Variants in WWOX observed in about 807,000 individuals in gnomAD.
WWOX encodes the protein WW domain containing oxidoreductase.
A neutral mutation model predicts 46.2 loss-of-function variants in WWOX; 69 were observed. The observed-to-expected ratio is 1.49, with a 90% CI of 1.23 to 1.82. The LOEUF (loss-of-function observed/expected upper bound fraction) is 1.82. Ranked by LOEUF, WWOX falls within the 40% of genes most tolerant of loss-of-function variation. The pLI is 0.00. For missense variants in WWOX, 919 were observed against 542.6 expected, an observed-to-expected ratio of 1.69 and a Z score of -6.89; for synonymous variants, 359 against 202.6, an observed-to-expected ratio of 1.77 and a Z score of -6.56.
chr16:78,420,500 G>T (rs955039042), intron 6 of WWOX, among the ~76,000 whole-genome samples: 1 of 152,026 alleles, frequency 6.6e-6, no homozygotes, highest in African/African-American at 2.4e-5. Context: ...TCATGCCAAG[G>T]GACAGAAGCC....
rs563937054 is a variant in WWOX at position 78,619,428 on chromosome 16, A to G, written c.1056+186676A>G. Among the ~76,000 whole-genome samples the G allele has an allele frequency of 2.0e-5, 3 of 149,058 alleles. No homozygotes were observed. In the South Asian group the frequency reaches 6.5e-4, roughly 32 times the overall value. On this transcript the variant is annotated intron_variant, in intron 8 of 8. Coordinates refer to ENST00000566780, the MANE Select transcript of WWOX (RefSeq NM_016373.4). ...CACACTCCAGGTGTATATCTCAACA[A>G]ATTTGTACACACTGCATGCACATGG...
At chr16:78,992,934 T>A (rs1229174998) in intron 8 of WWOX, among the ~76,000 whole-genome samples, 2 of 113,762 alleles carry the variant, frequency 1.8e-5, no homozygotes, top group Non-Finnish European at 3.6e-5. Flanking sequence ...AATTTTTGCC[T>A]CCATTAGAGT....
intron 8 of WWOX, among the ~76,000 whole-genome samples, chr16:78,601,805 T>C (rs1017050235): frequency 2.7e-4 from 41 of 152,132 alleles, no homozygotes; most frequent in African/African-American, 8.0e-4. Flanking sequence ...TGCGGAAGAG[T>C]AGGGAAAGGT....
chr16:78,136,816 A>G (rs1487516676), intron 4 of WWOX, among the ~76,000 whole-genome samples: 4 of 152,184 alleles, frequency 2.6e-5, no homozygotes, highest in Admixed American at 1.3e-4. Flanking sequence ...ATACTGGAGA[A>G]TATGTATAGC....
rs538946189 is a variant in WWOX, at chr16:78,854,741, C to G, written c.1057-356867C>G. Among the ~76,000 whole-genome samples the G allele has an allele frequency of 2.6e-5, 4 of 151,916 alleles. No homozygotes were observed. In the East Asian group the frequency reaches 7.8e-4, roughly 29 times the overall value. On this transcript the variant is annotated intron_variant, in intron 8 of 8. Coordinates refer to ENST00000566780, the MANE Select transcript of WWOX (RefSeq NM_016373.4). ...GATTACAGGCACATGCCACCACTCC[C>G]AGCTACTTTTTGTATTTTTAGTAAA...
At chr16:79,176,104 C>T (rs1448012357) in intron 8 of WWOX, among the ~76,000 whole-genome samples, 2 of 152,210 alleles carry the variant, frequency 1.3e-5, no homozygotes, top group Non-Finnish European at 2.9e-5. Flanking sequence ...GGATTGTTTG[C>T]ACACCTGTGT....
At chr16:79,197,396 A>C (rs1226089352) in intron 8 of WWOX, among the ~76,000 whole-genome samples, 1 of 152,154 alleles carries the variant, frequency 6.6e-6, no homozygotes. Flanking sequence ...ATTCAGTTTA[A>C]ATTGCTTGTG....
intron 8 of WWOX, among the ~76,000 whole-genome samples, chr16:78,444,916 G>C (rs2083523467): frequency 6.6e-6 from 1 of 152,170 alleles, no homozygotes; most frequent in Non-Finnish European, 1.5e-5. Flanking sequence ...CCCTTTGTTG[G>C]AAGTGATGGG....
intron 8 of WWOX, among the ~76,000 whole-genome samples, chr16:78,576,154 G>C (rs2044873971): frequency 6.6e-6 from 1 of 152,040 alleles, no homozygotes; most frequent in Non-Finnish European, 1.5e-5. Flanking sequence ...ATTTTTAAAA[G>C]AAACTTCAAT....
intron 8 of WWOX, among the ~76,000 whole-genome samples, chr16:78,494,991 C>G (rs989635120): frequency 6.6e-6 from 1 of 152,060 alleles, no homozygotes; most frequent in Non-Finnish European, 1.5e-5. Context: ...TATGCTGTGG[C>G]GAAACCCAGG....
intron 8 of WWOX, among the ~76,000 whole-genome samples, chr16:78,689,248 A>T (rs976946225): frequency 6.6e-6 from 1 of 152,194 alleles, no homozygotes; most frequent in African/African-American, 2.4e-5. Context: ...ATACGTCACC[A>T]TTGGAAGGTT....
At chr16:79,064,430 T>C (rs772064852) in intron 8 of WWOX, among the ~76,000 whole-genome samples, 7 of 152,296 alleles carry the variant, frequency 4.6e-5, no homozygotes, top group Non-Finnish European at 7.4e-5. Context: ...AGATAATGCG[T>C]GAAAAGTGCT....
chr16:79,148,152 C>A (rs1200315425), intron 8 of WWOX, among the ~76,000 whole-genome samples: 1 of 152,108 alleles, frequency 6.6e-6, no homozygotes, highest in East Asian at 1.9e-4. Context: ...CTTTGGGTAA[C>A]CATATATCCC....
intron 8 of WWOX, among the ~76,000 whole-genome samples, chr16:78,954,221 G>C (rs2046120245): frequency 6.6e-6 from 1 of 151,994 alleles, no homozygotes; most frequent in African/African-American, 2.4e-5. Flanking sequence ...TGGTTGGGTG[G>C]ATGTATGGTT....
At chr16:78,606,357 A>T (rs2045756330) in intron 8 of WWOX, among the ~76,000 whole-genome samples, 1 of 152,176 alleles carries the variant, frequency 6.6e-6, no homozygotes, top group African/African-American at 2.4e-5. Context: ...CTATTAATGT[A>T]GAAGTACAAA....
intron 8 of WWOX, among the ~76,000 whole-genome samples, chr16:79,152,178 C>T (rs547425747): frequency 6.6e-6 from 1 of 152,156 alleles, no homozygotes; most frequent in Admixed American, 6.5e-5. Flanking sequence ...TGCTTGCATC[C>T]CTCCCCCACG....
chr16:78,327,737 C>A (rs1027365146), intron 5 of WWOX, among the ~76,000 whole-genome samples: 2 of 152,066 alleles, frequency 1.3e-5, no homozygotes. Context: ...CTCCTTCAGA[C>A]CCCCGACCAT....
chr16:78,134,528 T>C (rs1381785498), intron 4 of WWOX, among the ~76,000 whole-genome samples: 1 of 152,198 alleles, frequency 6.6e-6, no homozygotes, highest in Non-Finnish European at 1.5e-5. Flanking sequence ...ACCTCTGGCT[T>C]ATCTCTTCAT....
At chr16:78,272,268 G>T (rs911060270) in intron 5 of WWOX, among the ~76,000 whole-genome samples, 1 of 152,136 alleles carries the variant, frequency 6.6e-6, no homozygotes, top group Non-Finnish European at 1.5e-5. Flanking sequence ...TCACCCATGG[G>T]TCTGGCACTT....
Sources: allele counts gnomAD v4.1 joint callset (sites outside exome capture counted in the v4.1 genomes callset), GRCh38; gene constraint gnomAD v4.1.1; transcripts MANE v1.5; gene names NCBI Gene and HGNC (gene_info 2026-07-23, HGNC 2026-07-21).